IGF2BP1: variants seen among roughly 807,000 people sequenced by gnomAD.
IGF2BP1 encodes insulin like growth factor 2 mRNA binding protein 1.
In IGF2BP1, 11 loss-of-function variants were observed where a neutral mutation model predicts 74.9. The ratio of observed to expected loss-of-function variants is 0.15; its 90% confidence interval spans 0.09 to 0.24. The LOEUF (loss-of-function observed/expected upper bound fraction) is 0.24, where lower values mean the gene tolerates loss of function less well. Among genes scored for constraint, IGF2BP1 ranks in the 10% least tolerant of loss-of-function variants. The probability of loss-of-function intolerance (pLI) is 1.00; values close to 1 mark genes in which losing one functional copy is unlikely to be tolerated. For synonymous variants in IGF2BP1, 287 were observed against 281.8 expected, an observed-to-expected ratio of 1.02 and a Z score of -0.18; for missense variants, 440 against 757.4, an observed-to-expected ratio of 0.58 and a Z score of 4.92.
At chr17:48,999,242 A>G in intron 2 of IGF2BP1, 73 bp downstream of exon 2, 2 of 905,236 alleles carry the variant, frequency 2.2e-6, no homozygotes. Context: ...TCAGGGGTCC[A>G]TAGCGTCTCC....
intron 8 of IGF2BP1, among the ~76,000 whole-genome samples, 165 bp downstream of exon 8, chr17:49,041,665 A>G (rs1018565829): frequency 5.9e-5 from 9 of 152,302 alleles, no homozygotes; most frequent in African/African-American, 2.2e-4. Context: ...AAATCCCTGT[A>G]AGGACTGGAT....
In IGF2BP1 at chr17:49,045,002, C is replaced by G. The variant is rs188731587; in HGVS notation, c.1332C>G (p.Pro444=). The change falls in exon 12 of 15, where the codon CCC becomes CCG. Residue 444 remains proline (P), a synonymous_variant. Coordinates refer to ENST00000290341, the MANE Select transcript of IGF2BP1 (RefSeq NM_006546.4). ...FASASIKIAP[P]ETPDSKVRMV... is the part of the protein sequence containing the mutation. The stretch of plus-strand genomic sequence containing the variant: ...TTTTTGCTTTTTAGATTGCACCACC[C>G]GAAACACCTGACTCCAAAGTTCGTA... 6.2e-7 allele frequency: 1 copy of G among 1,614,028 alleles called. No individual in the cohort carries two copies. The highest frequency in any genetic ancestry group is 8.5e-7 in the Non-Finnish European group (1 of 1,179,912).
rs905872207 is a variant in IGF2BP1, at chr17:49,049,997, A to C, written c.*553A>C. The stretch of plus-strand genomic sequence containing the variant: ...TTGCTTTGCTTACAGTATTGACTCA[A>C]GGGAAAAGAACTGTCAGTATCTGTA... On this transcript the variant is annotated 3_prime_UTR_variant, in exon 15 of 15. Transcript: ENST00000290341. The C allele has an allele frequency of 6.5e-6, 1 of 153,176 alleles. No homozygotes were observed. The highest frequency in any genetic ancestry group is 1.5e-5 in the Non-Finnish European group (1 of 68,706). 9.5% of individuals were successfully genotyped at this position (153,176 alleles called of 1,614,324 possible).
At chr17:49,007,446 C>T (rs2041563337) in intron 2 of IGF2BP1, among the ~76,000 whole-genome samples, 2 of 152,212 alleles carry the variant, frequency 1.3e-5, no homozygotes, top group Admixed American at 1.3e-4. Context: ...TGGGTGCATA[C>T]ACATACATAC....
At chr17:49,041,779 A>T (rs2042055203) in intron 8 of IGF2BP1, among the ~76,000 whole-genome samples, 1 of 152,204 alleles carries the variant, frequency 6.6e-6, no homozygotes, top group South Asian at 2.1e-4. Context: ...GCTCGTGGAC[A>T]GCCTGCAGCT....
chr17:49,019,329 C>T (rs905098442), intron 2 of IGF2BP1, among the ~76,000 whole-genome samples: 9 of 152,094 alleles, frequency 5.9e-5, no homozygotes, highest in South Asian at 2.1e-4. Flanking sequence ...TCCAACCCCC[C>T]GTAAGCTCCT....
At chr17:49,021,487 A>G (rs2041791644) in intron 2 of IGF2BP1, among the ~76,000 whole-genome samples, 1 of 152,032 alleles carries the variant, frequency 6.6e-6, no homozygotes, top group South Asian at 2.1e-4. Context: ...AATAGCTGCT[A>G]TGTATCTGGC....
At chr17:49,034,926 T>C (rs774664344) in intron 5 of IGF2BP1, among the ~76,000 whole-genome samples, 10 of 152,232 alleles carry the variant, frequency 6.6e-5, no homozygotes, top group Non-Finnish European at 7.3e-5. Context: ...CCGTAAGATA[T>C]GCAGTTTCGG....
chr17:49,055,784 G>T lies in IGF2BP1; in HGVS notation c.*6340G>T. On this transcript the variant is annotated 3_prime_UTR_variant, in exon 15 of 15. Transcript: ENST00000290341. ...TCACTTACTCAGAAGAGGGAACGAT[G>T]TATTTTGATGAGTGCAAATTGGGAA... is the stretch of plus-strand genomic sequence containing the variant. 9.6e-6 allele frequency: 3 copies of T among 311,032 alleles called. No individual in the cohort carries two copies. The highest frequency in any genetic ancestry group is 1.7e-5 in the Non-Finnish European group (3 of 172,664). 19.3% of individuals were successfully genotyped at this position (311,032 alleles called of 1,614,324 possible).
chr17:49,046,510 G>A (rs892378919), intron 14 of IGF2BP1, 137 bp downstream of exon 14: 1 of 626,300 alleles, frequency 1.6e-6, no homozygotes, highest in Non-Finnish European at 2.8e-6. Context: ...TCTAGGCTAG[G>A]TTATTGCCCT....
intron 4 of IGF2BP1, among the ~76,000 whole-genome samples, chr17:49,031,162 C>T (rs1473758011): frequency 1.3e-5 from 2 of 152,050 alleles, no homozygotes; most frequent in Admixed American, 6.5e-5. Context: ...TCTATCACCC[C>T]GGCTGGAGTG....
At position 48,997,980 on chromosome 17, in the gene IGF2BP1, G is replaced by T. The variant is rs1331322002; in HGVS notation, c.175+60G>T. The T allele has an allele frequency of 3.2e-6, 5 of 1,556,408 alleles. No homozygotes were observed. The highest frequency in any genetic ancestry group is 4.4e-6 in the Non-Finnish European group (5 of 1,144,302). ...CGAGAGCCCCGAACAACGGAGACCC[G>T]CACCTTCCGGTTCCTCTCCCGCCAA... On this transcript the variant is annotated intron_variant, in intron 1 of 14. Coordinates refer to ENST00000290341, the MANE Select transcript of IGF2BP1 (RefSeq NM_006546.4). This position sits in a 1 kb window ranked among gnomAD's most constrained non-coding sequence, Gnocchi z 4.8.
At chr17:49,008,187 AAG>A (rs1491495415) in intron 2 of IGF2BP1, among the ~76,000 whole-genome samples, 3 of 151,984 alleles carry the variant, frequency 2.0e-5, no homozygotes, top group Non-Finnish European at 4.4e-5. Context: ...AAAAAAAAAA[AAG>A]TAAATAAATT....
chr17:49,017,529 A>G (rs1567814570), intron 2 of IGF2BP1, among the ~76,000 whole-genome samples: 4 of 152,226 alleles, frequency 2.6e-5, no homozygotes, highest in African/African-American at 9.6e-5. Flanking sequence ...ATAAATAATT[A>G]TTAAAGAGAT....
At position 49,055,757 on chromosome 17, in the gene IGF2BP1, C is replaced by T. The variant is rs1255524714; in HGVS notation, c.*6313C>T. On this transcript the variant is annotated 3_prime_UTR_variant, in exon 15 of 15. Transcript: ENST00000290341. ...AGTGGATTTGTAAGCAGTTCTGAAA[C>T]ATCACTTACTCAGAAGAGGGAACGA... The T allele has an allele frequency of 2.6e-6, 1 of 391,518 alleles. No homozygotes were observed. The allele number at this position is 391,518 out of a possible 1,614,324, so 24.3% of individuals were successfully genotyped here.
At chr17:49,011,338 G>A (rs1464005162) in intron 2 of IGF2BP1, among the ~76,000 whole-genome samples, 1 of 152,042 alleles carries the variant, frequency 6.6e-6, no homozygotes, top group African/African-American at 2.4e-5. Flanking sequence ...TTGCTTCTGA[G>A]CACTGTGAGG....
chr17:49,020,250 G>A (rs980827573), intron 2 of IGF2BP1, among the ~76,000 whole-genome samples: 2 of 151,816 alleles, frequency 1.3e-5, no homozygotes, highest in African/African-American at 4.8e-5. Context: ...CACCATGTTG[G>A]CCAGGCTGGT....
intron 2 of IGF2BP1, chr17:49,012,505 G>C (rs1421573785): frequency 2.0e-5 from 3 of 152,080 alleles, no homozygotes; most frequent in Non-Finnish European, 4.4e-5. Context: ...TGAATTCTAG[G>C]AGTCTCCATC....
intron 14 of IGF2BP1, among the ~76,000 whole-genome samples, chr17:49,048,362 C>T (rs529656205): frequency 6.6e-6 from 1 of 151,682 alleles, no homozygotes; most frequent in South Asian, 2.1e-4. Flanking sequence ...TAGTGATTCT[C>T]CTGCCTCAGC....
Sources: allele counts gnomAD v4.1 joint callset (sites outside exome capture counted in the v4.1 genomes callset), GRCh38; gene constraint gnomAD v4.1.1; non-coding constraint Gnocchi (gnomAD v3.1); transcripts MANE v1.5; gene names NCBI Gene and HGNC (gene_info 2026-07-23, HGNC 2026-07-21).